STX8: variants seen among roughly 807,000 people sequenced by gnomAD.
STX8 encodes the protein syntaxin 8, also known as syntaxin-8.
STX8 carries 23 observed loss-of-function variants against 37.5 expected under a neutral mutation model. That is an observed-to-expected ratio of 0.61 (90% CI 0.44 to 0.87). The LOEUF (loss-of-function observed/expected upper bound fraction) is 0.87, where lower values mean the gene tolerates loss of function less well. Ranked by LOEUF, STX8 falls within the 40% of genes least tolerant of loss-of-function variation. STX8 has a pLI of 0.00. For synonymous variants in STX8, 115 were observed against 99.1 expected, an observed-to-expected ratio of 1.16 and a Z score of -0.95; for missense variants, 313 against 284.7, an observed-to-expected ratio of 1.10 and a Z score of -0.71.
intron 4 of STX8, among the ~76,000 whole-genome samples, chr17:9,530,236 G>A (rs1010732622): frequency 7.3e-5 from 11 of 151,226 alleles, no homozygotes; most frequent in African/African-American, 1.7e-4. Context: ...GTGGGAACCC[G>A]GGAGGTGGGG....
chr17:9,289,101 CG>C (rs1567769763), intron 7 of STX8, among the ~76,000 whole-genome samples: 1 of 152,108 alleles, frequency 6.6e-6, no homozygotes, highest in East Asian at 1.9e-4. Context: ...ATGGCAATAC[CG>C]GAAGCTAGTA....
chr17:9,441,124 G>A (rs1904632866), intron 6 of STX8, among the ~76,000 whole-genome samples: 1 of 152,182 alleles, frequency 6.6e-6, no homozygotes, highest in South Asian at 2.1e-4. Context: ...CTAATCCTGA[G>A]TATGAAGGGG....
chr17:9,322,814 TAAA>T (rs59941529), intron 7 of STX8, among the ~76,000 whole-genome samples: 18 of 64,704 alleles, frequency 2.8e-4, no homozygotes, highest in Middle Eastern at 9.1e-3. Flanking sequence ...GTGCATTTGC[TAAA>T]AAAAAAAAAA....
At chr17:9,375,449 T>A (rs1911549454) in intron 7 of STX8, among the ~76,000 whole-genome samples, 4 of 152,236 alleles carry the variant, frequency 2.6e-5, no homozygotes, top group Admixed American at 2.6e-4. Context: ...GAGTGGCATG[T>A]GCTGAGTTAC....
intron 6 of STX8, among the ~76,000 whole-genome samples, chr17:9,420,232 T>C (rs11078800): frequency 0.32 from 48,941 of 152,078 alleles, 9,332 homozygotes; most frequent in East Asian, 0.62. Context: ...ATATTCAACA[T>C]CGGCCGCCAG....
At chr17:9,428,898 A>G (rs113233114) in intron 6 of STX8, among the ~76,000 whole-genome samples, 2 of 152,176 alleles carry the variant, frequency 1.3e-5, no homozygotes, top group Admixed American at 1.3e-4. Context: ...CGGTCTATTC[A>G]GAGGCTCTGT....
rs1567594330 is a variant in STX8, at chr17:9,517,856, T to C, written c.324-12694A>G. On this transcript the variant is annotated intron_variant, in intron 4 of 7. Transcript: ENST00000306357. ...GCCTTGAAGAATGCGTGAGGTTTAG[T>C]GAAGAAAGGAAGAGATGGTAAGGCA... Among the ~76,000 whole-genome samples, 8 of 146,746 alleles carry C rather than the reference T, an allele frequency of 5.5e-5. No individual in the cohort carries two copies. In the South Asian group the frequency reaches 1.7e-3, roughly 32 times the overall value.
chr17:9,274,899 C>G (rs987824581), intron 7 of STX8, among the ~76,000 whole-genome samples: 1 of 150,908 alleles, frequency 6.6e-6, no homozygotes, highest in Admixed American at 6.6e-5. Flanking sequence ...TACAGGCATG[C>G]ACCACCATGC....
chr17:9,303,276 C>T (rs1242054858), intron 7 of STX8, among the ~76,000 whole-genome samples: 1 of 152,068 alleles, frequency 6.6e-6, no homozygotes, highest in African/African-American at 2.4e-5. Context: ...GGCGACAGAG[C>T]GAGACTCTGT....
intron 7 of STX8, among the ~76,000 whole-genome samples, chr17:9,325,332 G>A (rs576329696): frequency 3.9e-4 from 60 of 152,228 alleles, no homozygotes; most frequent in Non-Finnish European, 6.0e-4. Flanking sequence ...TTCCTATGGT[G>A]ATAAACCAAA....
intron 4 of STX8, among the ~76,000 whole-genome samples, chr17:9,525,697 A>C (rs1260792219): frequency 6.6e-6 from 1 of 152,138 alleles, no homozygotes; most frequent in Non-Finnish European, 1.5e-5. Flanking sequence ...CATATCACAC[A>C]AAGTGGCATT....
chr17:9,531,016 A>AT (rs1905796156), intron 4 of STX8, among the ~76,000 whole-genome samples: 1 of 152,130 alleles, frequency 6.6e-6, no homozygotes, highest in South Asian at 2.1e-4. Context: ...GCCAAGATTC[A>AT]TTTTTTTCCA....
chr17:9,337,312 T>C (rs1042129772), intron 7 of STX8, among the ~76,000 whole-genome samples: 1 of 152,192 alleles, frequency 6.6e-6, no homozygotes, highest in Admixed American at 6.5e-5. Flanking sequence ...CATACTGGGA[T>C]AGAGGATGAG....
chr17:9,568,632 C>G (rs564177583), intron 1 of STX8, among the ~76,000 whole-genome samples, 162 bp from the exon 2 acceptor site: 1 of 152,326 alleles, frequency 6.6e-6, no homozygotes, highest in East Asian at 1.9e-4. Flanking sequence ...TCCCCAGTAG[C>G]TGGGACTACA....
At chr17:9,521,266 G>T (rs1226532470) in intron 4 of STX8, among the ~76,000 whole-genome samples, 1 of 152,194 alleles carries the variant, frequency 6.6e-6, no homozygotes, top group African/African-American at 2.4e-5. Context: ...CTGGACAAGG[G>T]AAGTGACAAG....
At chr17:9,492,323 A>G (rs915749758) in intron 5 of STX8, among the ~76,000 whole-genome samples, 1 of 152,224 alleles carries the variant, frequency 6.6e-6, no homozygotes, top group Non-Finnish European at 1.5e-5. Context: ...TTTTTTTAAA[A>G]ATACAAATAA....
At chr17:9,344,242 T>C (rs1212459481) in intron 7 of STX8, among the ~76,000 whole-genome samples, 1 of 138,708 alleles carries the variant, frequency 7.2e-6, no homozygotes, top group Non-Finnish European at 1.5e-5. Flanking sequence ...GTGGGCAGTC[T>C]GCCTCTGATA....
At chr17:9,359,281 G>T (rs531182733) in intron 7 of STX8, among the ~76,000 whole-genome samples, 8 of 152,110 alleles carry the variant, frequency 5.3e-5, no homozygotes, top group Admixed American at 3.3e-4. Context: ...GACCTCAGGT[G>T]GAACTAAGGC....
chr17:9,280,415 T>C (rs1907840752), intron 7 of STX8, among the ~76,000 whole-genome samples: 1 of 152,096 alleles, frequency 6.6e-6, no homozygotes, highest in African/African-American at 2.4e-5. Context: ...TAGCCGGGTG[T>C]GGTGGCGGGC....
Sources: gnomAD v4.1 joint callset for allele counts (sites outside exome capture counted in the v4.1 genomes callset) on GRCh38, gnomAD v4.1.1 for gene constraint, MANE v1.5 for transcripts, NCBI Gene and HGNC (gene_info 2026-07-23, HGNC 2026-07-21) for gene names.